The following TNNI3K variants were observed in gnomAD, a reference collection of about 807,000 sequenced individuals.
TNNI3K encodes the protein serine/threonine-protein kinase TNNI3K.
TNNI3K carries 140 observed loss-of-function variants against 114.5 expected under a neutral mutation model. That is an observed-to-expected ratio of 1.22 (90% confidence interval 1.07 to 1.41). The LOEUF (loss-of-function observed/expected upper bound fraction) is 1.41, where lower values mean the gene tolerates loss of function less well. Among genes scored for constraint, TNNI3K ranks in the 40% most tolerant of loss-of-function variants. The pLI, the probability that TNNI3K is intolerant of heterozygous loss-of-function variation, is 0.00. For missense variants in TNNI3K, 1,125 were observed against 1,007.6 expected, an observed-to-expected ratio of 1.12 and a Z score of -1.58; for synonymous variants, 347 against 347.5, an observed-to-expected ratio of 1.00 and a Z score of 0.02.
chr1:74,258,978 G>A (rs978803234), intron 4 of TNNI3K, among the ~76,000 whole-genome samples: 1 of 152,118 alleles, frequency 6.6e-6, no homozygotes, highest in African/African-American at 2.4e-5. Context: ...CTGTTCAAGC[G>A]TGGCAACTCA....
intron 23 of TNNI3K, among the ~76,000 whole-genome samples, chr1:74,508,740 A>G (rs1390881268): frequency 1.3e-5 from 2 of 152,204 alleles, no homozygotes; most frequent in Non-Finnish European, 2.9e-5. Context: ...TGCTTTGCTG[A>G]TAACATAAGT....
chr1:74,390,316 A>G (rs1333745262), intron 17 of TNNI3K, among the ~76,000 whole-genome samples: 1 of 152,174 alleles, frequency 6.6e-6, no homozygotes. Context: ...ACCCATTAAC[A>G]TACAGAGAAA....
At chr1:74,472,944 T>C (rs1477176422) in intron 21 of TNNI3K, among the ~76,000 whole-genome samples, 1 of 152,024 alleles carries the variant, frequency 6.6e-6, no homozygotes, top group Non-Finnish European at 1.5e-5. Flanking sequence ...TAAAGGAAAA[T>C]AGTACATGAT....
At chr1:74,260,962 C>T (rs1311881662) in intron 4 of TNNI3K, among the ~76,000 whole-genome samples, 1 of 152,028 alleles carries the variant, frequency 6.6e-6, no homozygotes, top group Non-Finnish European at 1.5e-5. Context: ...TGTAGCTATA[C>T]ATTTATATTT....
At chr1:74,520,713 C>T (rs2100411397) in intron 23 of TNNI3K, among the ~76,000 whole-genome samples, 1 of 152,072 alleles carries the variant, frequency 6.6e-6, no homozygotes, top group African/African-American at 2.4e-5. Context: ...GAAGGGAGGC[C>T]TGGGGCATAC....
At chr1:74,320,029 A>G (rs1471679460) in intron 5 of TNNI3K, among the ~76,000 whole-genome samples, 1 of 152,166 alleles carries the variant, frequency 6.6e-6, no homozygotes, top group Non-Finnish European at 1.5e-5. Flanking sequence ...TCTGGGTTTG[A>G]GTCCCATCTG....
At chr1:74,541,896 A>G (rs529716426) in intron 24 of TNNI3K, among the ~76,000 whole-genome samples, 95 of 152,354 alleles carry the variant, frequency 6.2e-4, no homozygotes, top group African/African-American at 2.2e-3. Flanking sequence ...TCGCAATATA[A>G]CAACAATTTT....
intron 17 of TNNI3K, among the ~76,000 whole-genome samples, chr1:74,427,587 A>T (rs961158553): frequency 1.3e-5 from 2 of 152,040 alleles, no homozygotes; most frequent in African/African-American, 4.8e-5. Context: ...TTGTTCCAAT[A>T]TCCTTCCTCC....
At chr1:74,449,701 C>T (rs1359493371) in intron 20 of TNNI3K, among the ~76,000 whole-genome samples, 1 of 151,412 alleles carries the variant, frequency 6.6e-6, no homozygotes, top group African/African-American at 2.4e-5. Context: ...ACAAGAAGAG[C>T]TAACTATCCT....
chr1:74,289,732 T>C (rs1376876160), intron 5 of TNNI3K, among the ~76,000 whole-genome samples: 1 of 151,994 alleles, frequency 6.6e-6, no homozygotes, highest in African/African-American at 2.4e-5. Flanking sequence ...TTATATCTGC[T>C]GTTTCTCCCC....
chr1:74,267,590 T>C (rs563906705), intron 4 of TNNI3K, among the ~76,000 whole-genome samples: 10 of 152,096 alleles, frequency 6.6e-5, no homozygotes, highest in African/African-American at 2.4e-4. Flanking sequence ...AATGAGAGGA[T>C]ATAGATAGAA....
intron 17 of TNNI3K, among the ~76,000 whole-genome samples, chr1:74,430,413 G>C (rs58062518): frequency 6.6e-6 from 1 of 151,926 alleles, no homozygotes; most frequent in Admixed American, 6.6e-5. Context: ...TTCACTTTTG[G>C]TTAAAAGAAA....
At chr1:74,456,591 C>G (rs1258772834) in intron 20 of TNNI3K, among the ~76,000 whole-genome samples, 1 of 152,172 alleles carries the variant, frequency 6.6e-6, no homozygotes, top group South Asian at 2.1e-4. Flanking sequence ...TTCCTTATAA[C>G]CAGGTACCCA....
chr1:74,286,950 T>C (rs1023664903), intron 5 of TNNI3K, among the ~76,000 whole-genome samples: 3 of 151,934 alleles, frequency 2.0e-5, no homozygotes, highest in Admixed American at 6.6e-5. Flanking sequence ...TTAAAGAGGC[T>C]CAATGTGCTC....
intron 17 of TNNI3K, among the ~76,000 whole-genome samples, chr1:74,405,946 C>G (rs1256697403): frequency 2.6e-5 from 4 of 152,162 alleles, no homozygotes; most frequent in African/African-American, 9.7e-5. Context: ...TAACAAATAA[C>G]CACAAATTTA....
intron 5 of TNNI3K, among the ~76,000 whole-genome samples, chr1:74,308,755 A>G (rs1306580796): frequency 6.6e-6 from 1 of 152,190 alleles, no homozygotes; most frequent in Non-Finnish European, 1.5e-5. Context: ...ATAGGCCACT[A>G]GCCAGATTAA....
chr1:74,462,059 AAT>A (rs1325006475), intron 20 of TNNI3K, among the ~76,000 whole-genome samples: 4 of 152,356 alleles, frequency 2.6e-5, no homozygotes, highest in Non-Finnish European at 5.9e-5. Flanking sequence ...AAGTATAAGA[AAT>A]ATGTGAAATA....
intron 23 of TNNI3K, among the ~76,000 whole-genome samples, chr1:74,523,094 C>G (rs1468566396): frequency 6.6e-6 from 1 of 152,212 alleles, no homozygotes; most frequent in Non-Finnish European, 1.5e-5. Flanking sequence ...TGATTCCTCT[C>G]TTCCCTCTTA....
intron 17 of TNNI3K, chr1:74,374,170 T>A (rs1662757186): frequency 6.6e-6 from 1 of 151,882 alleles, no homozygotes; most frequent in Non-Finnish European, 1.5e-5. Context: ...AATTTTTTGA[T>A]CCATGGTTAG....
Sources: allele counts gnomAD v4.1 joint callset (sites outside exome capture counted in the v4.1 genomes callset), GRCh38; gene constraint gnomAD v4.1.1; transcripts MANE v1.5; gene names NCBI Gene and HGNC (gene_info 2026-07-23, HGNC 2026-07-21).